CBFA2T2: variants seen among roughly 807,000 people sequenced by gnomAD.
CBFA2T2 encodes protein CBFA2T2.
In CBFA2T2, 11 loss-of-function variants were observed where a neutral mutation model predicts 62.2. That is an observed-to-expected ratio of 0.18 (90% CI 0.11 to 0.29). CBFA2T2 has a LOEUF of 0.29. Ranked by LOEUF, CBFA2T2 falls within the 10% of genes least tolerant of loss-of-function variation. The pLI, the probability that CBFA2T2 is intolerant of heterozygous loss-of-function variation, is 1.00. For missense variants in CBFA2T2, 592 were observed against 774.1 expected, an observed-to-expected ratio of 0.76 and a Z score of 2.79; for synonymous variants, 295 against 287.5, an observed-to-expected ratio of 1.03 and a Z score of -0.27.
intron 1 of CBFA2T2, among the ~76,000 whole-genome samples, chr20:33,534,671 C>T (rs986860617): frequency 6.6e-6 from 1 of 151,258 alleles, no homozygotes; most frequent in African/African-American, 2.4e-5. Context: ...CAAATATTTT[C>T]TCCCAGCGTA....
chr20:33,525,882 G>A (rs2011872227), intron 1 of CBFA2T2, among the ~76,000 whole-genome samples: 1 of 152,096 alleles, frequency 6.6e-6, no homozygotes, highest in Non-Finnish European at 1.5e-5. Context: ...TCAAACTCCT[G>A]AGCTCAAGCG....
At chr20:33,548,014 T>C (rs541694698) in intron 1 of CBFA2T2, among the ~76,000 whole-genome samples, 50 of 152,188 alleles carry the variant, frequency 3.3e-4, no homozygotes, top group Middle Eastern at 3.4e-3. Flanking sequence ...CAAGCGATCC[T>C]TCCACCTCTG....
chr20:33,564,265 C>CT (rs546526858), intron 1 of CBFA2T2, among the ~76,000 whole-genome samples: 2,159 of 120,418 alleles, frequency 0.018, 26 homozygotes, highest in South Asian at 0.03. Flanking sequence ...CTTTTTCTTT[C>CT]TTTTTTTTTT....
chr20:33,540,797 G>A (rs1375327544), intron 1 of CBFA2T2, among the ~76,000 whole-genome samples: 1 of 152,172 alleles, frequency 6.6e-6, no homozygotes, highest in South Asian at 2.1e-4. Flanking sequence ...TATAAAGTAT[G>A]TTAATAAATT....
intron 10 of CBFA2T2, among the ~76,000 whole-genome samples, chr20:33,643,352 G>C (rs1276642809): frequency 4.6e-5 from 7 of 152,046 alleles, no homozygotes; most frequent in Non-Finnish European, 1.0e-4. Flanking sequence ...AAGGTGGGAG[G>C]GTCCTTTGAG....
At chr20:33,602,403 G>A (rs918600066) in intron 1 of CBFA2T2, among the ~76,000 whole-genome samples, 4 of 140,580 alleles carry the variant, frequency 2.8e-5, no homozygotes, top group East Asian at 2.0e-4. Flanking sequence ...TTCTTATCTC[G>A]TATTTACACC....
intron 1 of CBFA2T2, among the ~76,000 whole-genome samples, chr20:33,589,049 C>G (rs971440884): frequency 2.0e-5 from 3 of 152,224 alleles, no homozygotes; most frequent in Middle Eastern, 3.4e-3. Context: ...AGCTGAAGAC[C>G]TATTTCTAAT....
chr20:33,535,439 G>A (rs1227976868), intron 1 of CBFA2T2, among the ~76,000 whole-genome samples: 1 of 148,208 alleles, frequency 6.7e-6, no homozygotes, highest in Non-Finnish European at 1.5e-5. Flanking sequence ...TCCCCACTCA[G>A]TTGCTTCCTT....
At chr20:33,598,973 ACTGTCGGCCAGG>A (rs2122263111) in intron 1 of CBFA2T2, among the ~76,000 whole-genome samples, 1 of 152,300 alleles carries the variant, frequency 6.6e-6, no homozygotes, top group South Asian at 2.1e-4. Flanking sequence ...ACTGTGGCCC[ACTGTCGGCCAGG>A]CATGGTGGCT....
chr20:33,623,449 G>A (rs1392076005), intron 5 of CBFA2T2, among the ~76,000 whole-genome samples, 153 bp downstream of exon 5: 1 of 152,246 alleles, frequency 6.6e-6, no homozygotes, highest in Non-Finnish European at 1.5e-5. Flanking sequence ...CTGGAGCGCA[G>A]TGGTGCAATC....
In CBFA2T2 at chr20:33,612,914, C is replaced by T. The variant is rs182098776; in HGVS notation, c.420+1579C>T. On this transcript the variant is annotated intron_variant, in intron 3 of 10. Coordinates refer to ENST00000342704, the MANE Select transcript of CBFA2T2 (RefSeq NM_001032999.3). ...CAGCCTGGGTACATAGTGAGACTGCCTCTACAAAATGATTTTTTAAAAGTT... is the reference window on the plus strand; with the variant it reads ...CAGCCTGGGTACATAGTGAGACTGCTTCTACAAAATGATTTTTTAAAAGTT... 6.0e-4 allele frequency among the ~76,000 whole-genome samples: 92 copies of T among 152,228 alleles called. 1 individual carries two copies. The South Asian group carries it at 0.014, about 24-fold the overall frequency.
intron 6 of CBFA2T2, among the ~76,000 whole-genome samples, chr20:33,627,919 A>G (rs955438586): frequency 6.6e-6 from 1 of 152,158 alleles, no homozygotes; most frequent in African/African-American, 2.4e-5. Context: ...CCCACCAAAA[A>G]AATTTTTTTA....
intron 1 of CBFA2T2, among the ~76,000 whole-genome samples, chr20:33,546,815 G>C (rs538565741): frequency 6.7e-6 from 1 of 148,676 alleles, no homozygotes; most frequent in African/African-American, 2.5e-5. Flanking sequence ...CTTTACAATT[G>C]AGTTTACCAT....
chr20:33,607,264 T>C (rs1263365719), intron 2 of CBFA2T2, among the ~76,000 whole-genome samples, 165 bp downstream of exon 2: 7 of 152,276 alleles, frequency 4.6e-5, no homozygotes, highest in Admixed American at 4.6e-4. Context: ...AAATTACTTT[T>C]ACCCTCTGAG....
At chr20:33,623,754 G>A (rs2016092609) in intron 5 of CBFA2T2, 1 of 706,328 alleles carries the variant, frequency 1.4e-6, no homozygotes, top group East Asian at 2.7e-5. Context: ...GGTTATTTTT[G>A]CTTTATTCCA....
intron 1 of CBFA2T2, among the ~76,000 whole-genome samples, chr20:33,495,428 C>T (rs931491313): frequency 6.7e-6 from 1 of 149,288 alleles, no homozygotes; most frequent in Non-Finnish European, 1.5e-5. Flanking sequence ...TGGCTCATCC[C>T]TGTAATCCCA....
In CBFA2T2 at chr20:33,621,406, T is replaced by C. The variant is rs550986907; in HGVS notation, c.511-1709T>C. Among the ~76,000 whole-genome samples, 10 of 150,446 alleles carry C rather than the reference T, an allele frequency of 6.6e-5. No homozygotes were observed. The South Asian group carries it at 1.9e-3, about 29-fold the overall frequency. On this transcript the variant is annotated intron_variant, in intron 4 of 10. Transcript: ENST00000342704. ...CTGCCTCCCGAGTTCAAGCGATTCTTCTGCCTCAGCCTCCAGTGTAGCTGG... is the reference window on the plus strand; with the variant it reads ...CTGCCTCCCGAGTTCAAGCGATTCTCCTGCCTCAGCCTCCAGTGTAGCTGG...
intron 3 of CBFA2T2, among the ~76,000 whole-genome samples, chr20:33,615,750 AAAAG>A (rs886873749): frequency 1.3e-5 from 2 of 152,162 alleles, no homozygotes; most frequent in African/African-American, 4.8e-5. Context: ...CTTTAAAAAA[AAAAG>A]AGAGAGAGAC....
At chr20:33,492,601 A>G (rs1468258339) in intron 1 of CBFA2T2, among the ~76,000 whole-genome samples, 2 of 151,600 alleles carry the variant, frequency 1.3e-5, no homozygotes, top group Non-Finnish European at 2.9e-5. Context: ...AGCAGCCTCA[A>G]CCTCCTGGGT....
Sources: allele counts gnomAD v4.1 joint callset (sites outside exome capture counted in the v4.1 genomes callset), GRCh38; gene constraint gnomAD v4.1.1; transcripts MANE v1.5; gene names NCBI Gene and HGNC (gene_info 2026-07-23, HGNC 2026-07-21).